The following ROBO2 variants were observed in gnomAD, a reference collection of about 807,000 sequenced individuals.
The protein encoded by ROBO2 is roundabout homolog 2.
ROBO2 carries 53 observed loss-of-function variants against 160.8 expected under a neutral mutation model. The ratio of observed to expected loss-of-function variants is 0.33; its 90% CI spans 0.26 to 0.41. ROBO2 has a LOEUF of 0.41. Among genes scored for constraint, ROBO2 ranks in the 10% least tolerant of loss-of-function variants. The pLI, the probability that ROBO2 is intolerant of heterozygous loss-of-function variation, is 1.00. For synonymous variants in ROBO2, 664 were observed against 611.7 expected (o/e 1.09, Z -1.26); for missense variants, 1,577 against 1,722.4 (o/e 0.92, Z 1.49).
intron 2 of ROBO2, among the ~76,000 whole-genome samples, chr3:77,376,437 C>T (rs1313950236): frequency 3.3e-5 from 5 of 152,038 alleles, no homozygotes; most frequent in Non-Finnish European, 4.4e-5. Context: ...TGATTACAGA[C>T]GTGAGCCACC....
At chr3:76,232,094 A>G (rs1704654478) in intron 2 of ROBO2, among the ~76,000 whole-genome samples, 1 of 152,172 alleles carries the variant, frequency 6.6e-6, no homozygotes, top group Non-Finnish European at 1.5e-5. Flanking sequence ...TCAGGTTGTG[A>G]TCTGAGCTTT....
At chr3:77,564,070 A>G (rs2093412545) in intron 11 of ROBO2, among the ~76,000 whole-genome samples, 1 of 152,098 alleles carries the variant, frequency 6.6e-6, no homozygotes, top group African/African-American at 2.4e-5. Context: ...TTTTTTTTAA[A>G]CATTAGGACA....
At chr3:76,104,062 A>C (rs1008399456) in intron 2 of ROBO2, among the ~76,000 whole-genome samples, 1 of 152,204 alleles carries the variant, frequency 6.6e-6, no homozygotes, top group Non-Finnish European at 1.5e-5. Context: ...CGACATCCAG[A>C]GAACTGTCTT....
chr3:76,632,983 A>G (rs1237414756), intron 2 of ROBO2, among the ~76,000 whole-genome samples: 2 of 152,226 alleles, frequency 1.3e-5, no homozygotes, highest in Non-Finnish European at 2.9e-5. Context: ...AAAATGCATT[A>G]TAGCATTGCG....
intron 2 of ROBO2, among the ~76,000 whole-genome samples, chr3:77,375,111 C>G (rs576007374): frequency 1.2e-4 from 19 of 152,262 alleles, no homozygotes; most frequent in Non-Finnish European, 2.4e-4. Flanking sequence ...ATTCAGGAAG[C>G]CAAGGTGGGA....
rs527341649 is a variant in ROBO2, at chr3:77,393,610, G to T, written c.389-83804G>T. On this transcript the variant is annotated intron_variant, in intron 2 of 25. Coordinates refer to ENST00000461745, the Ensembl canonical transcript of ROBO2. Reference sequence around the variant, plus strand: ...TAGTAATATATAATATATTTATACTGAACATCAAACAATGTTTAATTATAA... The same window carrying T: ...TAGTAATATATAATATATTTATACTTAACATCAAACAATGTTTAATTATAA... 2.2e-4 allele frequency among the ~76,000 whole-genome samples: 33 copies of T among 148,726 alleles called. 1 individual carries two copies. Among genetic ancestry groups the T allele is most frequent in the Admixed American group, 1.7e-3 (25 of 14,816 alleles).
intron 2 of ROBO2, among the ~76,000 whole-genome samples, chr3:75,967,259 T>G (rs1233184832): frequency 5.3e-5 from 8 of 151,580 alleles, no homozygotes; most frequent in Non-Finnish European, 8.9e-5. Context: ...TTTGAGATAG[T>G]TCATATCCCA....
At chr3:77,051,698 AT>A (rs2065242538) in intron 1 of ROBO2, among the ~76,000 whole-genome samples, 1 of 152,248 alleles carries the variant, frequency 6.6e-6, no homozygotes, top group South Asian at 2.1e-4. Context: ...TCAGGATTCA[AT>A]TCTAAGCTTT....
At chr3:77,043,281 A>G (rs926234815) in intron 1 of ROBO2, among the ~76,000 whole-genome samples, 4 of 152,204 alleles carry the variant, frequency 2.6e-5, no homozygotes, top group African/African-American at 7.2e-5. Context: ...TCAAATGTAC[A>G]GAAGCCTGTA....
At chr3:77,646,247 C>G in exon 26 of ROBO2, 1 of 429,012 alleles carries the variant, frequency 2.3e-6, no homozygotes. Flanking sequence ...AGTACACCAC[C>G]CACCTTAACT....
At chr3:76,603,345 AAAAAAAAT>A (rs2087348092) in intron 2 of ROBO2, among the ~76,000 whole-genome samples, 17 of 62,342 alleles carry the variant, frequency 2.7e-4, no homozygotes, top group African/African-American at 1.2e-3. Context: ...AAAAAAAAAA[AAAAAAAAT>A]ATATATATAT....
chr3:77,088,219 A>G (rs1364007716), intron 1 of ROBO2, among the ~76,000 whole-genome samples: 1 of 152,178 alleles, frequency 6.6e-6, no homozygotes, highest in Non-Finnish European at 1.5e-5. Flanking sequence ...TAGATAAGTA[A>G]AGACCTGAGA....
At chr3:77,054,585 C>G (rs182363506) in intron 1 of ROBO2, among the ~76,000 whole-genome samples, 9 of 152,200 alleles carry the variant, frequency 5.9e-5, no homozygotes, top group Non-Finnish European at 2.9e-5. Context: ...GAAGGTTGTA[C>G]AAGTGAGATT....
intron 2 of ROBO2, among the ~76,000 whole-genome samples, chr3:76,931,775 G>A (rs1054028178): frequency 5.3e-5 from 8 of 151,956 alleles, no homozygotes; most frequent in East Asian, 1.9e-4. Flanking sequence ...TTTGCTTCCC[G>A]GATTCAAGCG....
At chr3:76,757,664 AT>A (rs2061057424) in intron 2 of ROBO2, among the ~76,000 whole-genome samples, 1 of 151,854 alleles carries the variant, frequency 6.6e-6, no homozygotes, top group East Asian at 2.0e-4. Context: ...TGTTAATCAA[AT>A]AAACTATTAT....
At chr3:76,839,044 G>T (rs901274657) in intron 2 of ROBO2, among the ~76,000 whole-genome samples, 5 of 152,188 alleles carry the variant, frequency 3.3e-5, no homozygotes, top group East Asian at 1.9e-4. Flanking sequence ...ATGCAATCTA[G>T]ATGTTCTTTA....
intron 2 of ROBO2, among the ~76,000 whole-genome samples, chr3:76,117,155 A>G (rs1274681951): frequency 6.6e-6 from 1 of 152,224 alleles, no homozygotes; most frequent in African/African-American, 2.4e-5. Context: ...TTCCTAAACC[A>G]TATAAAGAAG....
intron 2 of ROBO2, among the ~76,000 whole-genome samples, chr3:76,613,335 CTCTG>C (rs2088295140): frequency 6.6e-6 from 1 of 152,068 alleles, no homozygotes; most frequent in Admixed American, 6.6e-5. Flanking sequence ...GTCTGAATCT[CTCTG>C]TCTCTCACTT....
Position 77,481,047 on chromosome 3 carries a change from T to C in ROBO2, c.547-52T>C, listed in dbSNP as rs2084629498. 5 of 1,456,580 alleles carry C rather than the reference T, an allele frequency of 3.4e-6. No individual in the cohort carries two copies. In the African/African-American group the frequency reaches 5.6e-5, roughly 16 times the overall value. The allele number at this position is 1,456,580 out of a possible 1,614,324, so 90.2% of individuals were successfully genotyped here. On this transcript the variant is annotated intron_variant, in intron 3 of 25. Coordinates refer to ENST00000461745, the Ensembl canonical transcript of ROBO2. ...CTATTTATTAATGACCTTTATTTTC[T>C]ATTCTGTTCCTTTTTCTTCCCTTCT...
Sources: gnomAD v4.1 joint callset for allele counts (sites outside exome capture counted in the v4.1 genomes callset) on GRCh38, gnomAD v4.1.1 for gene constraint, MANE v1.5 for transcripts, NCBI Gene and HGNC (gene_info 2026-07-23, HGNC 2026-07-21) for gene names.